The following CEP295NL variants were observed in gnomAD, a reference collection of about 807,000 sequenced individuals.
The protein encoded by CEP295NL is CEP295 N-terminal like.
In CEP295NL, 3 loss-of-function variants were observed where a neutral mutation model predicts 4.6. That is an observed-to-expected ratio of 0.65 (90% CI 0.30 to 1.69). The LOEUF is 1.69. Among genes scored for constraint, CEP295NL ranks in the 40% most tolerant of loss-of-function variants. The probability of loss-of-function intolerance (pLI) is 0.10; values close to 1 mark genes in which losing one functional copy is unlikely to be tolerated. For missense variants in CEP295NL, 719 were observed against 769.0 expected, an observed-to-expected ratio of 0.93 and a Z score of 0.77; for synonymous variants, 295 against 312.2, an observed-to-expected ratio of 0.94 and a Z score of 0.58.
chr17:78,891,577 C>T lies in CEP295NL; in HGVS notation c.927G>A (p.Gly309=). 2 of 1,550,882 alleles carry T rather than the reference C, an allele frequency of 1.3e-6. No individual in the cohort carries two copies. The highest frequency in any genetic ancestry group is 1.7e-6 in the Non-Finnish European group (2 of 1,147,058). Reference sequence around the variant, plus strand: ...AGCTGGAATCAGCTGGCCACAGCTGCCCGAGGTCTCTCAGCTTCCCCTCCA... The same window carrying T: ...AGCTGGAATCAGCTGGCCACAGCTGTCCGAGGTCTCTCAGCTTCCCCTCCA... The part of the protein sequence containing the change: ...QSLEGKLRDL[G]QLWPADSSCR... The change falls in exon 3 of 3, where the codon GGG becomes GGA. Residue 309 remains glycine (G), a synonymous_variant. Coordinates refer to ENST00000322630, the MANE Select transcript of CEP295NL (RefSeq NM_001243540.2). The surrounding 1 kb of genome is among the most constrained non-coding windows in gnomAD (Gnocchi z 4.5).
chr17:78,895,227 G>A, intron 2 of CEP295NL, among the ~76,000 whole-genome samples: 1 of 152,194 alleles, frequency 6.6e-6, no homozygotes, highest in Admixed American at 6.5e-5. Flanking sequence ...GTTGCAATGA[G>A]CTGAGATTGC....
At position 78,890,755 on chromosome 17, in the gene CEP295NL, G is replaced by C. The variant is rs1345689063; in HGVS notation, c.1749C>G (p.Asp583Glu). 1 of 1,550,544 alleles carries C rather than the reference G, an allele frequency of 6.4e-7. No homozygotes were observed. The highest frequency in any genetic ancestry group is 8.7e-7 in the Non-Finnish European group (1 of 1,147,020). ...GGTCTCGGATCATCTGACTGTGCCG[G>C]TCGTCGTCGGCGAGGCTGGTGCCCG... ...SPSGTSLADD[D>E]RHSQMIRDQQ... The change falls in exon 3 of 3, where the codon GAC becomes GAG. Residue 583 changes from aspartate to glutamate, a missense_variant. Coordinates refer to ENST00000322630, the MANE Select transcript of CEP295NL (RefSeq NM_001243540.2).
At chr17:78,893,137 G>C (rs2069929826) in intron 2 of CEP295NL, among the ~76,000 whole-genome samples, 1 of 150,594 alleles carries the variant, frequency 6.6e-6, no homozygotes, top group African/African-American at 2.4e-5. Context: ...GCAGGGGTGT[G>C]TGTGCGTACA....
chr17:78,902,124 T>G (rs1324169851), intron 1 of CEP295NL, among the ~76,000 whole-genome samples, 198 bp from the exon 2 acceptor site: 1 of 152,196 alleles, frequency 6.6e-6, no homozygotes, highest in Non-Finnish European at 1.5e-5. Flanking sequence ...GCCACTGCAC[T>G]GGGTTTTGGT....
Position 78,900,979 on chromosome 17 carries a change from T to C in CEP295NL, c.44+806A>G, listed in dbSNP as rs1437929685. 2.6e-5 allele frequency: 4 copies of C among 152,496 alleles called. No homozygotes were observed. In the East Asian group the frequency reaches 7.7e-4, roughly 29 times the overall value. The allele number at this position is 152,496 out of a possible 1,614,324, so 9.4% of individuals were successfully genotyped here. A position where few individuals can be genotyped will look rare whatever the true frequency, so the allele number is the denominator to read the frequency against. On this transcript the variant is annotated intron_variant, in intron 2 of 2. Coordinates refer to ENST00000322630, the MANE Select transcript of CEP295NL (RefSeq NM_001243540.2). ...CCAGCCCGACCTCACCTGGCCATGC[T>C]AGGAGGCAGTGGGCAAGCGGCAACG...
At chr17:78,892,920 G>A (rs2069924327) in intron 2 of CEP295NL, among the ~76,000 whole-genome samples, 2 of 152,158 alleles carry the variant, frequency 1.3e-5, no homozygotes, top group South Asian at 2.1e-4. Context: ...GGGATGGAGG[G>A]GCACAAAGGG....
Position 78,891,345 on chromosome 17 carries a change from C to A in CEP295NL, c.1159G>T (p.Ala387Ser). The A allele has an allele frequency of 1.3e-6, 2 of 1,550,352 alleles. No individual in the cohort carries two copies. Among genetic ancestry groups the A allele is most frequent in the Non-Finnish European group, 8.7e-7 (1 of 1,146,914 alleles). ...ATTTTCTTCCCTCTTGGGGTCCCAG[C>A]GCCACACTCTTGCATCTCTGAGAAG... Reference protein sequence around the residue: ...HAFSEMQECGAGTPRGKKMAD... With the variant: ...HAFSEMQECGSGTPRGKKMAD... The change falls in exon 3 of 3, where the codon GCT (alanine) becomes TCT (serine). Residue 387 changes from alanine to serine, a missense_variant. Physicochemically the swap from Ala to Ser is moderately conservative, Grantham distance 99 (BLOSUM62 1). Transcript: ENST00000322630. The surrounding 1 kb of genome is among the most constrained non-coding windows in gnomAD (Gnocchi z 4.5).
chr17:78,902,386 G>C lies in CEP295NL; in HGVS notation c.-98-460C>G, dbSNP rs541221628. ...GCCTCCCAAAGTGCTGGGATTCCAGGCATGAGCCACCATGCCCAGCCTGCA... is the reference window on the plus strand; with the variant it reads ...GCCTCCCAAAGTGCTGGGATTCCAGCCATGAGCCACCATGCCCAGCCTGCA... On this transcript the variant is annotated intron_variant, in intron 1 of 2. Transcript: ENST00000322630. 2.0e-5 allele frequency among the ~76,000 whole-genome samples: 3 copies of C among 152,352 alleles called. No homozygotes were observed. In the East Asian group the frequency reaches 5.8e-4, roughly 29 times the overall value.
chr17:78,894,233 A>C (rs74816890), intron 2 of CEP295NL, among the ~76,000 whole-genome samples: 1,831 of 152,122 alleles, frequency 0.012, 28 homozygotes, highest in African/African-American at 0.042. Context: ...AGGCAGGCAG[A>C]GATGAAGATG....
In CEP295NL at chr17:78,896,527, G is replaced by A. The variant is rs554180223; in HGVS notation, c.45-4068C>T. Among the ~76,000 whole-genome samples, 8 of 152,236 alleles carry A rather than the reference G, an allele frequency of 5.3e-5. No individual in the cohort carries two copies. The highest frequency in any genetic ancestry group is 2.6e-4 in the Admixed American group (4 of 15,298). On this transcript the variant is annotated intron_variant, in intron 2 of 2. Coordinates refer to ENST00000322630, the MANE Select transcript of CEP295NL (RefSeq NM_001243540.2). This position sits in a 1 kb window ranked among gnomAD's most constrained non-coding sequence, Gnocchi z 4.4. Reference sequence around the variant, plus strand: ...GGTTGCTTAGAATATTCTAGAAGGGGCAGGGGTCCTGGCGCTCCTCTGTCC... The same window carrying A: ...GGTTGCTTAGAATATTCTAGAAGGGACAGGGGTCCTGGCGCTCCTCTGTCC...
intron 2 of CEP295NL, among the ~76,000 whole-genome samples, chr17:78,893,795 G>A (rs947409392): frequency 2.0e-5 from 3 of 152,180 alleles, no homozygotes. Flanking sequence ...GACTCTTCCA[G>A]GTCTCTTTGG....
Position 78,896,802 on chromosome 17 carries a change from C to T in CEP295NL, c.45-4343G>A, listed in dbSNP as rs1262622430. On this transcript the variant is annotated intron_variant, in intron 2 of 2. Transcript: ENST00000322630. The surrounding 1 kb of genome is among the most constrained non-coding windows in gnomAD (Gnocchi z 4.4). Reference sequence around the variant, plus strand: ...CACAGAGCGGAGTGGACACTGGGCCCATTCTCCTCTCTTGCTCTCTACAGC... The same window carrying T: ...CACAGAGCGGAGTGGACACTGGGCCTATTCTCCTCTCTTGCTCTCTACAGC... The T allele has an allele frequency of 1.5e-5, 7 of 467,616 alleles. No homozygotes were observed. Among genetic ancestry groups the T allele is most frequent in the African/African-American group, 2.1e-5 (1 of 46,900 alleles). The allele number at this position is 467,616 out of a possible 1,614,324, so 29.0% of individuals were successfully genotyped here.
At position 78,901,285 on chromosome 17, in the gene CEP295NL, C is replaced by T. The variant is rs150028370; in HGVS notation, c.44+500G>A. 1,301 of 156,620 alleles carry T rather than the reference C, an allele frequency of 8.3e-3. 21 individuals carry two copies. Among genetic ancestry groups the T allele is most frequent in the African/African-American group, 0.03 (1,234 of 41,574 alleles). 9.7% of individuals were successfully genotyped at this position (156,620 alleles called of 1,614,324 possible). ...AGAAATGGCCAATTTGATCATGTCA[C>T]GGGATAAAGTTTCAAAATCAATAAA... On this transcript the variant is annotated intron_variant, in intron 2 of 2. Coordinates refer to ENST00000322630, the MANE Select transcript of CEP295NL (RefSeq NM_001243540.2).
intron 2 of CEP295NL, among the ~76,000 whole-genome samples, chr17:78,893,605 G>A (rs1162346031): frequency 6.6e-6 from 1 of 151,990 alleles, no homozygotes; most frequent in Non-Finnish European, 1.5e-5. Context: ...GCATGTCTGT[G>A]TGTGCCTCTG....
Position 78,896,873 on chromosome 17 carries a change from G to A in CEP295NL, c.45-4414C>T, listed in dbSNP as rs1365140675. ...GCCAGCCCATGGCAGCTCCACCCCA[G>A]ACCGATCCGATCCCAGCACCTGGGC... is the stretch of plus-strand genomic sequence containing the variant. On this transcript the variant is annotated intron_variant, in intron 2 of 2. Coordinates refer to ENST00000322630, the MANE Select transcript of CEP295NL (RefSeq NM_001243540.2). The surrounding 1 kb of genome is among the most constrained non-coding windows in gnomAD (Gnocchi z 4.4). The A allele has an allele frequency of 4.1e-6, 4 of 972,804 alleles. No individual in the cohort carries two copies. In the African/African-American group the frequency reaches 7.0e-5, roughly 17 times the overall value. The allele number at this position is 972,804 out of a possible 1,614,324, so 60.3% of individuals were successfully genotyped here. A position where few individuals can be genotyped will look rare whatever the true frequency, so the allele number is the denominator to read the frequency against.
rs1405912676 is a variant in CEP295NL, at chr17:78,892,131, G to A, written c.373C>T (p.His125Tyr). ...TGCAGCCTGTCCAGGCCACCGACGT[G>A]CAGGTGCTGTGCCTCCTGATACCCT... ...RRGYQEAQHL[H>Y]VGGLDRLQSA... The change falls in exon 3 of 3, where the codon CAC (histidine) becomes TAC (tyrosine). Residue 125 changes from histidine to tyrosine, a missense_variant. By Grantham distance (83) the His-to-Tyr change is moderately conservative. Transcript: ENST00000322630. 2 of 1,550,956 alleles carry A rather than the reference G, an allele frequency of 1.3e-6. No homozygotes were observed. Among genetic ancestry groups the A allele is most frequent in the Admixed American group, 3.9e-5 (2 of 51,020 alleles).
At position 78,891,548 on chromosome 17, in the gene CEP295NL, C is replaced by T; in HGVS notation, c.956G>A (p.Arg319Lys). Reference protein sequence around the residue: ...GQLWPADSSCRREAVSPASQC... With the variant: ...GQLWPADSSCKREAVSPASQC... ...AGATGCTGGGGACACGGCTTCCCTT[C>T]TGCAGCTGGAATCAGCTGGCCACAG... The change falls in exon 3 of 3, where the codon AGA becomes AAA. Residue 319 changes from arginine to lysine, a missense_variant. Physicochemically the swap from Arg to Lys is conservative, Grantham distance 26. Coordinates refer to ENST00000322630, the MANE Select transcript of CEP295NL (RefSeq NM_001243540.2). This position sits in a 1 kb window ranked among gnomAD's most constrained non-coding sequence, Gnocchi z 4.5. 6.4e-7 allele frequency: 1 copy of T among 1,551,018 alleles called. No individual in the cohort carries two copies. The highest frequency in any genetic ancestry group is 8.7e-7 in the Non-Finnish European group (1 of 1,147,098).
At position 78,892,537 on chromosome 17, in the gene CEP295NL, G is replaced by A. The variant is rs73395169; in HGVS notation, c.45-78C>T. The A allele has an allele frequency of 8.1e-5, 119 of 1,470,898 alleles. No individual in the cohort carries two copies. The African/African-American group carries it at 1.5e-3, about 18-fold the overall frequency. 91.1% of individuals were successfully genotyped at this position (1,470,898 alleles called of 1,614,324 possible). On this transcript the variant is annotated intron_variant, in intron 2 of 2. Coordinates refer to ENST00000322630, the MANE Select transcript of CEP295NL (RefSeq NM_001243540.2). ...AGCAAAGCCCTGGAGACAAGCACAC[G>A]GGATTCTCACTGTGAGGACAGGCTG...
chr17:78,897,734 G>A (rs2070025950), intron 2 of CEP295NL: 2 of 152,214 alleles, frequency 1.3e-5, no homozygotes, highest in South Asian at 2.1e-4. Context: ...GGCATGAACT[G>A]GCCCCTCCAG....
Sources: allele counts gnomAD v4.1 joint callset (sites outside exome capture counted in the v4.1 genomes callset), GRCh38; gene constraint gnomAD v4.1.1; non-coding constraint Gnocchi (gnomAD v3.1); transcripts MANE v1.5; gene names NCBI Gene and HGNC (gene_info 2026-07-23, HGNC 2026-07-21).